IGHMBP2: variants seen among roughly 807,000 people sequenced by gnomAD.
IGHMBP2 encodes the protein immunoglobulin mu DNA binding protein 2, also known as DNA-binding protein SMUBP-2.
IGHMBP2 carries 81 observed loss-of-function variants against 96.0 expected under a neutral mutation model. The observed-to-expected ratio is 0.84, with a 90% confidence interval of 0.71 to 1.01. IGHMBP2 has a LOEUF of 1.01. Among genes scored for constraint, IGHMBP2 ranks in the 50% least tolerant of loss-of-function variants. IGHMBP2 has a pLI of 0.00. For missense variants in IGHMBP2, 1,227 were observed against 1,306.3 expected (o/e 0.94, Z 0.94); for synonymous variants, 557 against 548.9 (o/e 1.01, Z -0.21).
In IGHMBP2 at chr11:68,923,925, C is replaced by A. The variant is rs988685697; in HGVS notation, c.1061-5258C>A. Among the ~76,000 whole-genome samples, 3 of 152,182 alleles carry A rather than the reference C, an allele frequency of 2.0e-5. No homozygotes were observed. In the South Asian group the frequency reaches 6.2e-4, roughly 32 times the overall value. On this transcript the variant is annotated intron_variant, in intron 7 of 14. Transcript: ENST00000255078. ...CTGCCTGCATTGGTCGCCACAGATT[C>A]TCAGCCTTGTCTCCTCAACTCAGGG...
At position 68,908,563 on chromosome 11, in the gene IGHMBP2, C is replaced by A. The variant is rs767665196; in HGVS notation, c.479C>A (p.Ser160Tyr). The A allele has an allele frequency of 1.9e-6, 3 of 1,613,900 alleles. No homozygotes were observed. The East Asian group carries it at 6.7e-5, about 36-fold the overall frequency. Residue 160 changes from serine to tyrosine, a missense_variant, in exon 4 of 15, where the codon TCT becomes TAT. Physicochemically the swap from Ser to Tyr is moderately radical, Grantham distance 144. Around this residue, in one of 3 missense-constraint regions of IGHMBP2, gnomAD observed 507 missense variants for 496.9 expected, o/e 1.02. Transcript: ENST00000255078. ...CTGATTGCTCTAAAGAAGTATCATT[C>A]TGGCCCAGCCTCCTCACTCATAGAA... ...KALIALKKYHSGPASSLIEVL... is the reference protein window; with the variant it reads ...KALIALKKYHYGPASSLIEVL...
At chr11:68,929,083 C>T in intron 7 of IGHMBP2, 100 bp from the exon 8 acceptor site, 1 of 1,116,776 alleles carries the variant, frequency 9.0e-7, no homozygotes. Flanking sequence ...GCAATGCAAG[C>T]CTTGATGAAA....
At chr11:68,923,447 C>T (rs1274600279) in intron 7 of IGHMBP2, among the ~76,000 whole-genome samples, 1 of 152,142 alleles carries the variant, frequency 6.6e-6, no homozygotes, top group African/African-American at 2.4e-5. Context: ...AAGTGATCTG[C>T]CTGCCTCGGC....
At chr11:68,905,163 T>C (rs1035692839) in intron 1 of IGHMBP2, among the ~76,000 whole-genome samples, 1 of 152,306 alleles carries the variant, frequency 6.6e-6, no homozygotes, top group South Asian at 2.1e-4. Flanking sequence ...GTTAAGTAAC[T>C]TGCCCCGGGG....
intron 11 of IGHMBP2, among the ~76,000 whole-genome samples, chr11:68,934,838 GAC>G (rs1859464008): frequency 1.3e-5 from 2 of 152,376 alleles, no homozygotes; most frequent in East Asian, 3.9e-4. Context: ...GCCTCAGGCT[GAC>G]ACAGTCCTTC....
intron 4 of IGHMBP2, among the ~76,000 whole-genome samples, chr11:68,909,680 T>C (rs1453132411): frequency 6.8e-6 from 1 of 148,136 alleles, no homozygotes; most frequent in Non-Finnish European, 1.5e-5. Context: ...AAGAGTGGGG[T>C]GCAGTGGTGC....
At chr11:68,916,544 A>C (rs1219428476) in intron 6 of IGHMBP2, among the ~76,000 whole-genome samples, 1 of 151,952 alleles carries the variant, frequency 6.6e-6, no homozygotes, top group Non-Finnish European at 1.5e-5. Context: ...GGCAGCAGGG[A>C]GGGTGCTGGA....
intron 7 of IGHMBP2, among the ~76,000 whole-genome samples, chr11:68,925,424 C>T (rs752438341): frequency 5.3e-5 from 8 of 152,114 alleles, no homozygotes; most frequent in South Asian, 2.1e-4. Flanking sequence ...GCTAGGATTA[C>T]AGGAGTGAGC....
At chr11:68,932,815 G>A (rs555119682) in intron 8 of IGHMBP2, 3 of 168,462 alleles carry the variant, frequency 1.8e-5, no homozygotes, top group African/African-American at 7.1e-5. Flanking sequence ...TAAAATCAAG[G>A]TGTGGGTGGG....
intron 2 of IGHMBP2, among the ~76,000 whole-genome samples, chr11:68,907,823 G>T (rs1858261196): frequency 6.6e-6 from 1 of 151,850 alleles, no homozygotes; most frequent in African/African-American, 2.4e-5. Flanking sequence ...CCGAGTAGCT[G>T]GGACCACAGG....
chr11:68,914,846 C>T lies in IGHMBP2; in HGVS notation c.735C>T (p.Asn245=). 3 of 1,614,274 alleles carry T rather than the reference C, an allele frequency of 1.9e-6. No homozygotes were observed. Among genetic ancestry groups the T allele is most frequent in the African/African-American group, 1.3e-5 (1 of 75,080 alleles). ...AGGTTCTGTGCTGCGCCCCCTCCAA[C>T]ATCGCCGTGGACAATCTGGTGGAGC... ...GLKVLCCAPS[N]IAVDNLVERL... Residue 245 remains asparagine, a synonymous_variant, in exon 6 of 15, where the codon AAC becomes AAT. Transcript: ENST00000255078.
chr11:68,931,719 A>T (rs552688065), intron 8 of IGHMBP2, among the ~76,000 whole-genome samples: 2 of 152,224 alleles, frequency 1.3e-5, no homozygotes, highest in African/African-American at 2.4e-5. Context: ...AGCAGGGAGG[A>T]CAGGCGTGGG....
Position 68,934,490 on chromosome 11 carries a change from A to AGAG in IGHMBP2, c.1564_1565insGAG (p.Ile522delinsArgVal). ...CGAAGTCCGCCTCGTCAGTTTGCACATCCAGGCTCTGGTGGACGCTGGTGT... is the reference window on the plus strand; with the variant it reads ...CGAAGTCCGCCTCGTCAGTTTGCACAGAGTCCAGGCTCTGGTGGACGCTGGTGT... On this transcript the variant is annotated protein_altering_variant, in exon 11 of 15. Transcript: ENST00000255078. 1 of 1,612,492 alleles carries AGAG rather than the reference A, an allele frequency of 6.2e-7. No individual in the cohort carries two copies. Among genetic ancestry groups the AGAG allele is most frequent in the Non-Finnish European group, 8.5e-7 (1 of 1,179,250 alleles).
rs2228208 is a variant in IGHMBP2 at position 68,937,025 on chromosome 11, G to T, written c.2545G>T (p.Ala849Ser). 1.2e-6 allele frequency: 2 copies of T among 1,608,062 alleles called. No individual in the cohort carries two copies. Among genetic ancestry groups the T allele is most frequent in the Admixed American group, 1.7e-5 (1 of 59,976 alleles). ...GGTCAGGAGCGCGCAGGGGCAGCCC[G>T]CCAGCAAGGAGCAGCAGGCCTCAGG... ...QRVRSAQGQP[A>S]SKEQQASGQQ... Residue 849 changes from alanine to serine, a missense_variant, in exon 13 of 15, where the codon GCC (alanine) becomes TCC (serine). This residue lies in a region of IGHMBP2 where 703 missense variants were observed against 770.3 expected (regional missense o/e 0.91). Coordinates refer to ENST00000255078, the MANE Select transcript of IGHMBP2 (RefSeq NM_002180.3).
At position 68,940,183 on chromosome 11, in the gene IGHMBP2, C is replaced by T. The variant is rs1001450302; in HGVS notation, c.*452C>T. Reference sequence around the variant, plus strand: ...CGCTCAGGCAGGGAGCAGGGAGTGGCGTTTGGCTTGCACGTTCCCATGTGG... The same window carrying T: ...CGCTCAGGCAGGGAGCAGGGAGTGGTGTTTGGCTTGCACGTTCCCATGTGG... On this transcript the variant is annotated 3_prime_UTR_variant, in exon 15 of 15. Coordinates refer to ENST00000255078, the MANE Select transcript of IGHMBP2 (RefSeq NM_002180.3). 1.1e-5 allele frequency: 2 copies of T among 179,724 alleles called. No individual in the cohort carries two copies. The highest frequency in any genetic ancestry group is 1.5e-4 in the East Asian group (1 of 6,532). 11.1% of individuals were successfully genotyped at this position (179,724 alleles called of 1,614,324 possible).
chr11:68,935,557 A>T, intron 12 of IGHMBP2, 135 bp downstream of exon 12: 1 of 1,052,304 alleles, frequency 9.5e-7, no homozygotes, highest in African/African-American at 1.6e-5. Flanking sequence ...GTCCTTAGTA[A>T]GTTCACGTCA....
intron 1 of IGHMBP2, 49 bp downstream of exon 1, chr11:68,904,087 C>T: frequency 6.9e-7 from 1 of 1,457,496 alleles, no homozygotes; most frequent in Non-Finnish European, 9.4e-7. Context: ...CCCGCCGTGT[C>T]CCGGGCAGAG....
At chr11:68,925,296 C>T (rs1859024926) in intron 7 of IGHMBP2, among the ~76,000 whole-genome samples, 1 of 151,948 alleles carries the variant, frequency 6.6e-6, no homozygotes, top group Non-Finnish European at 1.5e-5. Context: ...CAGGCGCATG[C>T]CACCAGGCCC....
intron 8 of IGHMBP2, 184 bp from the exon 9 acceptor site, chr11:68,933,115 C>T: frequency 4.8e-6 from 3 of 627,718 alleles, no homozygotes; most frequent in Non-Finnish European, 2.9e-6. Flanking sequence ...CGGGCCTTGG[C>T]GATTGGATGT....
Sources: allele counts gnomAD v4.1 joint callset (sites outside exome capture counted in the v4.1 genomes callset), GRCh38; gene constraint gnomAD v4.1.1; regional missense constraint gnomAD v4.1.1; transcripts MANE v1.5; gene names NCBI Gene and HGNC (gene_info 2026-07-23, HGNC 2026-07-21).